Variants in HDAC7 observed in about 807,000 individuals in gnomAD.
The protein encoded by HDAC7 is histone deacetylase 7.
In HDAC7, 26 loss-of-function variants were observed where a neutral mutation model predicts 115.5. The ratio of observed to expected loss-of-function variants is 0.23; its 90% confidence interval spans 0.16 to 0.31. HDAC7 has a LOEUF of 0.31. Among genes scored for constraint, HDAC7 ranks in the 10% least tolerant of loss-of-function variants. The pLI is 1.00. For missense variants in HDAC7, 1,068 were observed against 1,329.0 expected (o/e 0.80, Z 3.05); for synonymous variants, 564 against 550.9 (o/e 1.02, Z -0.33).
At chr12:47,804,188 T>C (rs1374466806) in intron 1 of HDAC7, among the ~76,000 whole-genome samples, 1 of 152,082 alleles carries the variant, frequency 6.6e-6, no homozygotes, top group African/African-American at 2.4e-5. Context: ...TAATATAAGG[T>C]CTGTCCAGAA....
rs753314789 is a variant in HDAC7, at chr12:47,782,748, T to C, written c.*1093A>G. The C allele has an allele frequency of 6.6e-6, 1 of 152,442 alleles. No homozygotes were observed. Among genetic ancestry groups the C allele is most frequent in the Non-Finnish European group, 1.5e-5 (1 of 68,066 alleles). The allele number at this position is 152,442 out of a possible 1,614,324, so 9.4% of individuals were successfully genotyped here. On this transcript the variant is annotated 3_prime_UTR_variant, in exon 26 of 26. Transcript: ENST00000080059. The stretch of plus-strand genomic sequence containing the variant: ...TTTAAAGCAAATAAAACATTTATTG[T>C]TCAGATTTTTTTCCATTTTCTTCCT...
Position 47,797,276 on chromosome 12 carries a change from T to A in HDAC7, c.577+108A>T. 6.5e-7 allele frequency: 1 copy of A among 1,545,892 alleles called. No individual in the cohort carries two copies. The highest frequency in any genetic ancestry group is 8.9e-7 in the Non-Finnish European group (1 of 1,127,028). On this transcript the variant is annotated intron_variant, in intron 6 of 25. Transcript: ENST00000080059. The surrounding 1 kb of genome is among the most constrained non-coding windows in gnomAD (Gnocchi z 5.5). The stretch of plus-strand genomic sequence containing the variant: ...TAGAAAGAAGATCCTAGCCTACCGA[T>A]GATCTCCTGGCCCAGCCCAGCCCGC...
At chr12:47,792,820 T>C (rs775689245) in intron 13 of HDAC7, 1 of 388,332 alleles carries the variant, frequency 2.6e-6, no homozygotes, top group African/African-American at 2.1e-5. Flanking sequence ...AAAGACTAAT[T>C]ATGCCAAGAA....
chr12:47,792,621 A>G (rs1943591387), intron 13 of HDAC7: 1 of 455,806 alleles, frequency 2.2e-6, no homozygotes, highest in Admixed American at 2.4e-5. Flanking sequence ...AACGACTCTC[A>G]AAATGCTCAC....
At chr12:47,804,221 C>T (rs930412770) in intron 1 of HDAC7, among the ~76,000 whole-genome samples, 2 of 152,176 alleles carry the variant, frequency 1.3e-5, no homozygotes, top group Admixed American at 6.5e-5. Context: ...TGTGTGCATG[C>T]GTGTTGGCAA....
rs1184406027 is a variant in HDAC7, at chr12:47,793,770, C to A, written c.1459-182G>T. Among the ~76,000 whole-genome samples the A allele has an allele frequency of 6.6e-6, 1 of 152,266 alleles. No homozygotes were observed. Among genetic ancestry groups the A allele is most frequent in the Middle Eastern group, 3.4e-3 (1 of 294 alleles). On this transcript the variant is annotated intron_variant, in intron 12 of 25. Coordinates refer to ENST00000080059, the MANE Select transcript of HDAC7 (RefSeq NM_015401.5). This position sits in a 1 kb window ranked among gnomAD's most constrained non-coding sequence, Gnocchi z 4.5. ...TCTAAGCCCCCTGTCCCCTGCAGCC[C>A]CCTGACAGGTTTGCACCCCAGACTG...
intron 21 of HDAC7, among the ~76,000 whole-genome samples, 172 bp from the exon 22 acceptor site, chr12:47,786,875 G>A (rs1350044654): frequency 6.6e-6 from 1 of 152,204 alleles, no homozygotes; most frequent in Non-Finnish European, 1.5e-5. Flanking sequence ...CCATGTCCCT[G>A]GCACACACAG....
chr12:47,802,113 G>T, intron 2 of HDAC7, 111 bp downstream of exon 2: 1 of 1,195,356 alleles, frequency 8.4e-7, no homozygotes, highest in Non-Finnish European at 1.2e-6. Flanking sequence ...CTCTCTGGCA[G>T]ATCAGCCAGC....
rs1391717983 is a variant in HDAC7, at chr12:47,798,873, G to A, written c.170C>T (p.Thr57Ile). ...RPPVEPPPEP[T>I]LLALQRPQRL... is the part of the protein sequence containing the mutation. Reference sequence around the variant, plus strand: ...CTGGGGACGCTGCAGGGCCAGCAATGTGGGCTCTGGTGGGGGCTCCACTGG... The same window carrying A: ...CTGGGGACGCTGCAGGGCCAGCAATATGGGCTCTGGTGGGGGCTCCACTGG... Residue 57 changes from threonine to isoleucine, a missense_variant, in exon 3 of 26, where the codon ACA (threonine) becomes ATA (isoleucine). By Grantham distance (89) the Thr-to-Ile change is moderately conservative (BLOSUM62 -1). Coordinates refer to ENST00000080059, the MANE Select transcript of HDAC7 (RefSeq NM_015401.5). This position sits in a 1 kb window ranked among gnomAD's most constrained non-coding sequence, Gnocchi z 4.3. 1 of 1,550,530 alleles carries A rather than the reference G, an allele frequency of 6.4e-7. No individual in the cohort carries two copies. The highest frequency in any genetic ancestry group is 1.2e-5 in the South Asian group (1 of 83,286).
rs201732370 is a variant in HDAC7 at position 47,791,743 on chromosome 12, G to A, written c.1813-37C>T. 5.5e-4 allele frequency: 885 copies of A among 1,607,648 alleles called. 4 individuals carry two copies. In the African/African-American group the frequency reaches 6.9e-3, roughly 13 times the overall value. On this transcript the variant is annotated intron_variant, in intron 14 of 25. Transcript: ENST00000080059. ...ACCACAGAGCTCTGAGCTCATGCTC[G>A]CCCCTTCCCTCCCATCACCACCACC...
intron 12 of HDAC7, among the ~76,000 whole-genome samples, 194 bp downstream of exon 12, chr12:47,794,566 T>C (rs1267670036): frequency 6.6e-6 from 1 of 152,236 alleles, no homozygotes; most frequent in African/African-American, 2.4e-5. Context: ...TGTGTGTGTA[T>C]GGGTGTGTGA....
chr12:47,819,750 G>A lies in HDAC7; in HGVS notation c.19+17C>T. 1 of 843,168 alleles carries A rather than the reference G, an allele frequency of 1.2e-6. No individual in the cohort carries two copies. Among genetic ancestry groups the A allele is most frequent in the South Asian group, 5.3e-5 (1 of 18,938 alleles). The allele number at this position is 843,168 out of a possible 1,614,324, so 52.2% of individuals were successfully genotyped here. On this transcript the variant is annotated intron_variant, in intron 1 of 25. Transcript: ENST00000080059. ...CCGCGCGCAGGGCGGGGCGGGGGGCGGCCGCCCAGTACTCACCAGCGCCGG... is the reference window on the plus strand; with the variant it reads ...CCGCGCGCAGGGCGGGGCGGGGGGCAGCCGCCCAGTACTCACCAGCGCCGG...
intron 2 of HDAC7, among the ~76,000 whole-genome samples, chr12:47,801,269 T>C (rs11837686): frequency 0.077 from 11,762 of 152,246 alleles, 567 homozygotes; most frequent in African/African-American, 0.14. Flanking sequence ...ATGCTTTGTT[T>C]ATTATTCCTA....
Position 47,798,945 on chromosome 12 carries a change from G to A in HDAC7, c.98C>T (p.Pro33Leu). ...GTCCATGGGCTGCGGCTGAGGGCCT[G>A]GTGTGTCTGCACAGGGCCTGGGGCA... ...AGCPRPCADT[P>L]GPQPQPMDLR... The change falls in exon 3 of 26, where the codon CCA becomes CTA. Residue 33 changes from proline to leucine, a missense_variant. Transcript: ENST00000080059. This position sits in a 1 kb window ranked among gnomAD's most constrained non-coding sequence, Gnocchi z 4.3. 6.6e-7 allele frequency: 1 copy of A among 1,521,868 alleles called. No individual in the cohort carries two copies. The highest frequency in any genetic ancestry group is 8.8e-7 in the Non-Finnish European group (1 of 1,139,438). The allele number at this position is 1,521,868 out of a possible 1,614,324, so 94.3% of individuals were successfully genotyped here.
At chr12:47,792,108 G>T in intron 13 of HDAC7, 104 bp from the exon 14 acceptor site, 1 of 1,379,036 alleles carries the variant, frequency 7.3e-7, no homozygotes, top group Non-Finnish European at 9.7e-7. Flanking sequence ...CCCACATGGA[G>T]CCGGGCGGGT....
chr12:47,793,436 C>T lies in HDAC7; in HGVS notation c.1611G>A (p.Glu537=). The T allele has an allele frequency of 2.6e-6, 4 of 1,561,288 alleles. No individual in the cohort carries two copies. The East Asian group carries it at 7.0e-5, about 27-fold the overall frequency. ...AGAGGACTCGGGCCTGGCTGGCAGG[C>T]TCTGGGGCTGACAGTGAGGCAGGTG... ...PAAPASLSAP[E]PASQARVLSS... is the part of the protein sequence containing the mutation. Residue 537 remains glutamate, a synonymous_variant, in exon 13 of 26, where the codon GAG becomes GAA. Coordinates refer to ENST00000080059, the MANE Select transcript of HDAC7 (RefSeq NM_015401.5). The surrounding 1 kb of genome is among the most constrained non-coding windows in gnomAD (Gnocchi z 4.5).
intron 1 of HDAC7, chr12:47,817,931 G>A (rs1944894082): frequency 6.6e-6 from 1 of 152,280 alleles, no homozygotes; most frequent in Non-Finnish European, 1.5e-5. Flanking sequence ...TCCATGCCAA[G>A]AGGCCACCAA....
chr12:47,785,853 G>A lies in HDAC7; in HGVS notation c.2605C>T (p.Leu869=), dbSNP rs773565815. ...FGYMTQQLMN[L]AGGAVVLALE... ...GCCAGCACCACTGCGCCTCCTGCCA[G>A]GTTCATCAGTTGCTGCGTCATGTAT... is the stretch of plus-strand genomic sequence containing the variant. Residue 869 remains leucine, a synonymous_variant, in exon 23 of 26, where the codon CTG becomes TTG. Transcript: ENST00000080059. 147 of 1,610,022 alleles carry A rather than the reference G, an allele frequency of 9.1e-5. No homozygotes were observed. Among genetic ancestry groups the A allele is most frequent in the Non-Finnish European group, 1.2e-4 (144 of 1,178,158 alleles).
chr12:47,795,071 TCC>T lies in HDAC7; in HGVS notation c.1284+111_1284+112del. On this transcript the variant is annotated intron_variant, in intron 11 of 25. Transcript: ENST00000080059. This position sits in a 1 kb window ranked among gnomAD's most constrained non-coding sequence, Gnocchi z 4.3. The stretch of plus-strand genomic sequence containing the variant: ...CAGCTCTGGGCCCCAAGAAGCCACA[TCC>T]CCCTCTTTTGCCCTCCAGTTCCCTG... 2 of 1,311,046 alleles carry T rather than the reference TCC, an allele frequency of 1.5e-6. No homozygotes were observed. Among genetic ancestry groups the T allele is most frequent in the South Asian group, 2.7e-5 (2 of 72,994 alleles). 81.2% of individuals were successfully genotyped at this position (1,311,046 alleles called of 1,614,324 possible).
Sources: gnomAD v4.1 joint callset for allele counts (sites outside exome capture counted in the v4.1 genomes callset) on GRCh38, gnomAD v4.1.1 for gene constraint, Gnocchi (gnomAD v3.1) non-coding constraint, MANE v1.5 for transcripts, NCBI Gene and HGNC (gene_info 2026-07-23, HGNC 2026-07-21) for gene names.